Variants in TTC28 observed in about 807,000 individuals in gnomAD.
TTC28 encodes the protein tetratricopeptide repeat domain 28.
TTC28 carries 61 observed loss-of-function variants against 198.0 expected under a neutral mutation model. The ratio of observed to expected loss-of-function variants is 0.31; its 90% CI spans 0.25 to 0.38. The LOEUF (loss-of-function observed/expected upper bound fraction) is 0.38, where lower values mean the gene tolerates loss of function less well. TTC28 is among the 10% of genes least tolerant of loss of function. TTC28 has a pLI of 1.00. For synonymous variants in TTC28, 1,171 were observed against 1,297.8 expected (o/e 0.90, Z 2.10); for missense variants, 2,678 against 3,164.0 (o/e 0.85, Z 3.69).
chr22:28,018,352 A>C (rs1040212176), intron 13 of TTC28, among the ~76,000 whole-genome samples: 52 of 152,050 alleles, frequency 3.4e-4, no homozygotes, highest in Non-Finnish European at 6.6e-4. Context: ...CCTTTTCAAA[A>C]TAAAAACAAA....
At chr22:28,518,388 C>T (rs991773835) in intron 2 of TTC28, among the ~76,000 whole-genome samples, 5 of 152,098 alleles carry the variant, frequency 3.3e-5, no homozygotes, top group South Asian at 2.1e-4. Context: ...GGCCCAGACA[C>T]GAGGATTGCT....
At chr22:28,540,388 G>A (rs2049387633) in intron 2 of TTC28, among the ~76,000 whole-genome samples, 1 of 152,126 alleles carries the variant, frequency 6.6e-6, no homozygotes, top group East Asian at 1.9e-4. Flanking sequence ...AACTCCTTGG[G>A]TGAGAATTTT....
At chr22:28,449,309 C>T (rs78718517) in intron 2 of TTC28, among the ~76,000 whole-genome samples, 2,579 of 152,280 alleles carry the variant, frequency 0.017, 73 homozygotes, top group African/African-American at 0.059. Context: ...CATTAGCAAG[C>T]ATCTAATAGA....
chr22:28,337,948 C>T (rs1178093460), intron 2 of TTC28, among the ~76,000 whole-genome samples: 1 of 152,190 alleles, frequency 6.6e-6, no homozygotes, highest in Non-Finnish European at 1.5e-5. Flanking sequence ...ATGGTCTTTA[C>T]AATTTGGCAT....
intron 5 of TTC28, among the ~76,000 whole-genome samples, chr22:28,287,567 C>T (rs962121530): frequency 2.2e-4 from 34 of 152,008 alleles, no homozygotes; most frequent in African/African-American, 8.2e-4. Context: ...AAAGATGAGG[C>T]CTTCTATGCA....
intron 12 of TTC28, among the ~76,000 whole-genome samples, chr22:28,078,673 A>G (rs1037778374): frequency 6.6e-6 from 1 of 152,148 alleles, no homozygotes; most frequent in Admixed American, 6.5e-5. Context: ...ATAGTCTATA[A>G]AACAAATTCA....
At chr22:28,306,184 T>C (rs975569873) in intron 3 of TTC28, among the ~76,000 whole-genome samples, 2 of 152,194 alleles carry the variant, frequency 1.3e-5, no homozygotes, top group African/African-American at 2.4e-5. Flanking sequence ...AGAAAAACTA[T>C]AAGGGTTTTT....
chr22:28,623,084 A>G (rs891251184), intron 2 of TTC28, among the ~76,000 whole-genome samples: 3 of 152,080 alleles, frequency 2.0e-5, no homozygotes, highest in African/African-American at 7.2e-5. Flanking sequence ...CGGCCTCCCA[A>G]AGTGCTGGGA....
At chr22:28,465,662 T>C (rs1386298493) in intron 2 of TTC28, among the ~76,000 whole-genome samples, 1 of 152,102 alleles carries the variant, frequency 6.6e-6, no homozygotes, top group Non-Finnish European at 1.5e-5. Flanking sequence ...ATTATATTAA[T>C]CATAGTTAGA....
At chr22:28,032,271 T>TA (rs1569095159) in intron 12 of TTC28, among the ~76,000 whole-genome samples, 3 of 94,400 alleles carry the variant, frequency 3.2e-5, no homozygotes, top group South Asian at 3.5e-4. Flanking sequence ...ATATATAGTG[T>TA]GTGTGTGTGT....
chr22:28,124,748 C>T (rs1437059473), intron 6 of TTC28, among the ~76,000 whole-genome samples: 5 of 152,192 alleles, frequency 3.3e-5, no homozygotes, highest in Admixed American at 6.5e-5. Flanking sequence ...ATTTACAAAT[C>T]ATCTCTAGAT....
intron 2 of TTC28, among the ~76,000 whole-genome samples, chr22:28,531,123 G>A (rs11704100): frequency 0.17 from 26,511 of 152,000 alleles, 2,721 homozygotes; most frequent in Non-Finnish European, 0.23. Context: ...CAAACTGGAT[G>A]AAGAGTCAAG....
At chr22:28,553,974 C>T (rs1416635635) in intron 2 of TTC28, among the ~76,000 whole-genome samples, 3 of 150,978 alleles carry the variant, frequency 2.0e-5, no homozygotes, top group Non-Finnish European at 4.4e-5. Flanking sequence ...GGATGGTTGC[C>T]GTGTCTGTGT....
In TTC28 at chr22:28,306,552, T is replaced by C. The variant is rs768746556; in HGVS notation, c.473A>G (p.Lys158Arg). 4.1e-5 allele frequency: 64 copies of C among 1,551,196 alleles called. No individual in the cohort carries two copies. The East Asian group carries it at 1.5e-3, about 36-fold the overall frequency. Residue 158 changes from lysine (K) to arginine (R), a missense_variant, in exon 3 of 23, where the codon AAG becomes AGG. Physicochemically the swap from Lys to Arg is conservative, Grantham distance 26. Around this residue, in one of 8 missense-constraint regions of TTC28, gnomAD observed 176 missense variants for 197.9 expected, o/e 0.89. Coordinates refer to ENST00000397906, the MANE Select transcript of TTC28 (RefSeq NM_001145418.2). ...CATCCCCACCAGAAGCTGGAGACTCTTGGGGTCTTGAGCCAGTCCAGATGC... is the reference window on the plus strand; with the variant it reads ...CATCCCCACCAGAAGCTGGAGACTCCTGGGGTCTTGAGCCAGTCCAGATGC... ...AFASGLAQDP[K>R]SLQLLVGMVE...
At chr22:28,210,861 G>GA (rs1926879379) in intron 5 of TTC28, among the ~76,000 whole-genome samples, 1 of 152,016 alleles carries the variant, frequency 6.6e-6, no homozygotes, top group Admixed American at 6.6e-5. Context: ...TGAAACGAAG[G>GA]AAAAAATGCT....
At chr22:28,049,079 A>C (rs1939977092) in intron 12 of TTC28, among the ~76,000 whole-genome samples, 1 of 152,162 alleles carries the variant, frequency 6.6e-6, no homozygotes, top group South Asian at 2.1e-4. Flanking sequence ...ACAGGTGTGG[A>C]GGCACGGACC....
At chr22:28,353,639 C>T (rs535799679) in intron 2 of TTC28, among the ~76,000 whole-genome samples, 1 of 152,240 alleles carries the variant, frequency 6.6e-6, no homozygotes, top group South Asian at 2.1e-4. Context: ...AAAAAACTGG[C>T]TACCCACATG....
chr22:28,305,089 C>G (rs1367031437), intron 3 of TTC28, among the ~76,000 whole-genome samples: 4 of 152,070 alleles, frequency 2.6e-5, no homozygotes, highest in African/African-American at 4.8e-5. Flanking sequence ...CTCCCAGGTT[C>G]AAGCGATTCT....
At position 28,629,612 on chromosome 22, in the gene TTC28, C is replaced by T. The variant is rs1303441778; in HGVS notation, c.321G>A (p.Gln107=). 1 of 1,551,558 alleles carries T rather than the reference C, an allele frequency of 6.4e-7. No homozygotes were observed. Among genetic ancestry groups the T allele is most frequent in the Non-Finnish European group, 8.7e-7 (1 of 1,146,986 alleles). The change falls in exon 2 of 23, where the codon CAG becomes CAA. Residue 107 remains glutamine (Q), a synonymous_variant. Transcript: ENST00000397906. The part of the protein sequence containing the change: ...NRSAAYMKIQ[Q]YDKALDDAIK... ...TTGCATCATCCAGTGCCTTGTCATA[C>T]TGCTGGATTTTCATGTAGGCTGCAG... is the stretch of plus-strand genomic sequence containing the variant.
Sources: allele counts gnomAD v4.1 joint callset (sites outside exome capture counted in the v4.1 genomes callset), GRCh38; gene constraint gnomAD v4.1.1; regional missense constraint gnomAD v4.1.1; transcripts MANE v1.5; gene names NCBI Gene and HGNC (gene_info 2026-07-23, HGNC 2026-07-21).